NIM1K: variants seen among roughly 807,000 people sequenced by gnomAD.
NIM1K encodes serine/threonine-protein kinase NIM1.
NIM1K carries 35 observed loss-of-function variants against 37.1 expected under a neutral mutation model. The ratio of observed to expected loss-of-function variants is 0.94; its 90% CI spans 0.72 to 1.25. The LOEUF (loss-of-function observed/expected upper bound fraction) is 1.25. Ranked by LOEUF, NIM1K falls within the 50% of genes most tolerant of loss-of-function variation. NIM1K has a pLI of 0.00. For missense variants in NIM1K, 564 were observed against 548.0 expected (o/e 1.03, Z -0.29); for synonymous variants, 234 against 206.6 (o/e 1.13, Z -1.14).
At chr5:43,262,734 G>C (rs147144866) in intron 2 of NIM1K, among the ~76,000 whole-genome samples, 428 of 152,202 alleles carry the variant, frequency 2.8e-3, no homozygotes, top group African/African-American at 9.1e-3. Context: ...ATATGATATT[G>C]GCTGTGGGTT....
chr5:43,272,812 G>A (rs953003249), intron 2 of NIM1K, among the ~76,000 whole-genome samples: 1 of 152,050 alleles, frequency 6.6e-6, no homozygotes, highest in Non-Finnish European at 1.5e-5. Context: ...AAATCAGAAG[G>A]TTTGACAACA....
At chr5:43,224,248 C>T (rs1282053606) in intron 1 of NIM1K, among the ~76,000 whole-genome samples, 1 of 151,882 alleles carries the variant, frequency 6.6e-6, no homozygotes, top group Non-Finnish European at 1.5e-5. Context: ...GTCCCCTCAC[C>T]CCTAACACCC....
At chr5:43,205,334 C>T (rs1448956931) in intron 1 of NIM1K, among the ~76,000 whole-genome samples, 3 of 152,230 alleles carry the variant, frequency 2.0e-5, no homozygotes, top group African/African-American at 7.2e-5. Context: ...TTAAATTAGT[C>T]ACATAAGCAT....
intron 1 of NIM1K, among the ~76,000 whole-genome samples, chr5:43,242,153 T>G (rs1238669185): frequency 2.0e-5 from 3 of 151,888 alleles, no homozygotes; most frequent in East Asian, 1.9e-4. Flanking sequence ...GGTGTTAGGG[T>G]ACGTAATTCA....
At chr5:43,257,318 C>T (rs1029000792) in intron 2 of NIM1K, among the ~76,000 whole-genome samples, 22 of 145,586 alleles carry the variant, frequency 1.5e-4, no homozygotes, top group Non-Finnish European at 2.8e-4. Flanking sequence ...CTCTTGGGTT[C>T]AAGAGAGGAT....
intron 1 of NIM1K, chr5:43,206,987 T>C (rs1752122815): frequency 5.3e-6 from 4 of 757,774 alleles, no homozygotes; most frequent in African/African-American, 5.1e-5. Context: ...CAAAGCGGAA[T>C]TGAGTCAGGA....
intron 2 of NIM1K, among the ~76,000 whole-genome samples, chr5:43,253,207 A>AT (rs1752892372): frequency 1.3e-5 from 1 of 77,830 alleles, no homozygotes; most frequent in African/African-American, 4.4e-5. Context: ...TATATAATAT[A>AT]ATATATGTGT....
At chr5:43,238,970 T>G (rs969384752) in intron 1 of NIM1K, among the ~76,000 whole-genome samples, 96 of 55,694 alleles carry the variant, frequency 1.7e-3, no homozygotes, top group East Asian at 2.8e-3. Flanking sequence ...GGGCGGGGGG[T>G]GGGGTCTCAC....
At chr5:43,231,937 C>T (rs918744748) in intron 1 of NIM1K, 7 of 946,702 alleles carry the variant, frequency 7.4e-6, no homozygotes, top group African/African-American at 6.6e-5. Context: ...TCCCTTCTCT[C>T]ACCCACGTAC....
chr5:43,195,692 T>A (rs1388164627), intron 1 of NIM1K, among the ~76,000 whole-genome samples: 1 of 146,284 alleles, frequency 6.8e-6, no homozygotes, highest in African/African-American at 2.5e-5. Context: ...TGATTTCAGC[T>A]AACCACTTGG....
Position 43,242,010 on chromosome 5 carries a change from T to C in NIM1K, c.-694-3072T>C, listed in dbSNP as rs144687887. 7.5e-3 allele frequency among the ~76,000 whole-genome samples: 1,138 copies of C among 152,136 alleles called. 31 individuals are homozygous for C. The highest frequency in any genetic ancestry group is 0.024 in the African/African-American group (1,005 of 41,392). ...GTCCCAAGTTGCAATTCATCCTCAA[T>C]GCAAACCACAGCAACATTTGTAAAA... On this transcript the variant is annotated intron_variant, in intron 1 of 3. Transcript: ENST00000326035.
intron 1 of NIM1K, among the ~76,000 whole-genome samples, chr5:43,226,644 G>A (rs1752460963): frequency 6.6e-6 from 1 of 152,322 alleles, no homozygotes; most frequent in East Asian, 1.9e-4. Flanking sequence ...CTAGATGGAG[G>A]ACATGGTGAA....
At chr5:43,243,844 C>G (rs984595442) in intron 1 of NIM1K, among the ~76,000 whole-genome samples, 5 of 152,054 alleles carry the variant, frequency 3.3e-5, no homozygotes, top group Non-Finnish European at 7.4e-5. Context: ...AAGGGGTACA[C>G]CACCACACCC....
At chr5:43,256,579 T>C (rs1451766474) in intron 2 of NIM1K, among the ~76,000 whole-genome samples, 1 of 152,122 alleles carries the variant, frequency 6.6e-6, no homozygotes, top group Non-Finnish European at 1.5e-5. Context: ...GCCTCCCCCA[T>C]TCCCCCTTGG....
Position 43,245,949 on chromosome 5 carries a change from T to C in NIM1K, c.174T>C (p.Asp58=), listed in dbSNP as rs1752773457. 6.2e-7 allele frequency: 1 copy of C among 1,613,070 alleles called. No individual in the cohort carries two copies. The highest frequency in any genetic ancestry group is 2.2e-5 in the East Asian group (1 of 44,840). Residue 58 remains aspartate, a synonymous_variant, in exon 2 of 4, where the codon GAT becomes GAC. Transcript: ENST00000326035. ...FEKLTQDMSQ[D]EKVVREITLG... is the part of the protein sequence containing the mutation. ...AACTGACACAGGACATGTCCCAGGA[T>C]GAGAAGGTGGTGAGGGAGATCACGC...
At chr5:43,198,578 C>T (rs1026850856) in intron 1 of NIM1K, among the ~76,000 whole-genome samples, 2 of 151,892 alleles carry the variant, frequency 1.3e-5, no homozygotes, top group Admixed American at 1.3e-4. Context: ...CTTTCCAGCC[C>T]ACTTCATATT....
intron 1 of NIM1K, among the ~76,000 whole-genome samples, chr5:43,228,890 A>C (rs1214107006): frequency 1.3e-5 from 2 of 152,218 alleles, no homozygotes; most frequent in Admixed American, 6.5e-5. Flanking sequence ...CATATAAAGC[A>C]AAACGAATTT....
chr5:43,237,251 T>A (rs1440523438), intron 1 of NIM1K, among the ~76,000 whole-genome samples: 3 of 152,224 alleles, frequency 2.0e-5, no homozygotes, highest in African/African-American at 7.2e-5. Flanking sequence ...TTTTCATTGA[T>A]ATTATTTTCA....
Position 43,277,226 on chromosome 5 carries a change from G to A in NIM1K, c.462G>A (p.Gly154=). 6.2e-7 allele frequency: 1 copy of A among 1,614,076 alleles called. No homozygotes were observed. Among genetic ancestry groups the A allele is most frequent in the South Asian group, 1.1e-5 (1 of 91,064 alleles). ...SKLHLVMEYA[G]GGELFGKIST... Reference sequence around the variant, plus strand: ...TGCACTTGGTGATGGAGTATGCAGGGGGTGGGGAGCTCTTCGGAAAAATTA... The same window carrying A: ...TGCACTTGGTGATGGAGTATGCAGGAGGTGGGGAGCTCTTCGGAAAAATTA... The change falls in exon 3 of 4, where the codon GGG becomes GGA. Residue 154 remains glycine (G), a synonymous_variant. Transcript: ENST00000326035.
Sources: gnomAD v4.1 joint callset for allele counts (sites outside exome capture counted in the v4.1 genomes callset) on GRCh38, gnomAD v4.1.1 for gene constraint, MANE v1.5 for transcripts, NCBI Gene and HGNC (gene_info 2026-07-23, HGNC 2026-07-21) for gene names.